NOS1: variants seen among roughly 807,000 people sequenced by gnomAD.
The protein encoded by NOS1 is NOS type I.
NOS1 carries 51 observed loss-of-function variants against 164.5 expected under a neutral mutation model. The observed-to-expected ratio is 0.31, with a 90% CI of 0.25 to 0.39. The LOEUF (loss-of-function observed/expected upper bound fraction) is 0.39, where lower values mean the gene tolerates loss of function less well. NOS1 is among the 10% of genes least tolerant of loss of function. NOS1 has a pLI of 1.00. For missense variants in NOS1, 1,362 were observed against 1,885.6 expected (o/e 0.72, Z 5.14); for synonymous variants, 719 against 745.8 (o/e 0.96, Z 0.59).
rs927768453 is a variant in NOS1 at position 117,210,613 on chromosome 12, C to T, written c.*4696G>A. The T allele has an allele frequency of 1.1e-5, 11 of 985,400 alleles. No individual in the cohort carries two copies. The highest frequency in any genetic ancestry group is 1.3e-5 in the Non-Finnish European group (11 of 830,000). The allele number at this position is 985,400 out of a possible 1,614,324, so 61.0% of individuals were successfully genotyped here. A position where few individuals can be genotyped will look rare whatever the true frequency, so the allele number is the denominator to read the frequency against. On this transcript the variant is annotated 3_prime_UTR_variant, in exon 29 of 29. Coordinates refer to ENST00000317775, the MANE Select transcript of NOS1 (RefSeq NM_000620.5). ...TGTCGGAGTGAAGGGGCTCAGGCATCTGGATTGCCCATCCTATTAGGACCA... is the reference window on the plus strand; with the variant it reads ...TGTCGGAGTGAAGGGGCTCAGGCATTTGGATTGCCCATCCTATTAGGACCA...
At chr12:117,323,627 T>C (rs778930789) in intron 2 of NOS1, among the ~76,000 whole-genome samples, 4 of 152,162 alleles carry the variant, frequency 2.6e-5, no homozygotes, top group African/African-American at 7.2e-5. Flanking sequence ...TAGTGCTCCA[T>C]AGAGATTGAC....
chr12:117,254,288 G>A (rs1871290317), intron 16 of NOS1, among the ~76,000 whole-genome samples: 1 of 152,112 alleles, frequency 6.6e-6, no homozygotes, highest in Non-Finnish European at 1.5e-5. Context: ...TGCATTTTTA[G>A]TAGAGACGGG....
Position 117,272,322 on chromosome 12 carries a change from A to C in NOS1, c.1839+63T>G. 1 of 1,573,140 alleles carries C rather than the reference A, an allele frequency of 6.4e-7. No individual in the cohort carries two copies. The highest frequency in any genetic ancestry group is 1.7e-5 in the Admixed American group (1 of 58,412). On this transcript the variant is annotated intron_variant, in intron 10 of 28. Transcript: ENST00000317775. This position sits in a 1 kb window ranked among gnomAD's most constrained non-coding sequence, Gnocchi z 4.3. ...CACCAAGCTCGCCGTGGGGAAGGGG[A>C]CTGCTGAGCTGGCACCCTCTGCTAT...
Position 117,330,623 on chromosome 12 carries a change from C to T in NOS1, c.447G>A (p.Val149=). The T allele has an allele frequency of 6.2e-7, 1 of 1,611,804 alleles. No homozygotes were observed. Among genetic ancestry groups the T allele is most frequent in the African/African-American group, 1.3e-5 (1 of 75,016 alleles). The stretch of plus-strand genomic sequence containing the variant: ...CATTCCCGGGACCCGAGGCCCCATC[C>T]ACTGCCAGGGGCTGTTCTTTGCCGG... ...PPAGKEQPLA[V]DGASGPGNGP... The change falls in exon 2 of 29, where the codon GTG becomes GTA. Residue 149 remains valine (V), a synonymous_variant. Transcript: ENST00000317775. The surrounding 1 kb of genome is among the most constrained non-coding windows in gnomAD (Gnocchi z 4.6).
Position 117,208,230 on chromosome 12 carries a change from T to C in NOS1, c.*7079A>G, listed in dbSNP as rs1272119699. On this transcript the variant is annotated 3_prime_UTR_variant, in exon 29 of 29. Coordinates refer to ENST00000317775, the MANE Select transcript of NOS1 (RefSeq NM_000620.5). ...CCATAAAATTGGAAGATGAGAACTATACAGAAGAAGAGCATGCGACAAACA... is the reference window on the plus strand; with the variant it reads ...CCATAAAATTGGAAGATGAGAACTACACAGAAGAAGAGCATGCGACAAACA... 3.2e-6 allele frequency: 4 copies of C among 1,237,508 alleles called. No homozygotes were observed. The highest frequency in any genetic ancestry group is 3.1e-5 in the African/African-American group (2 of 64,346). 76.7% of individuals were successfully genotyped at this position (1,237,508 alleles called of 1,614,324 possible). A position where few individuals can be genotyped will look rare whatever the true frequency, so the allele number is the denominator to read the frequency against.
At chr12:117,256,120 G>A (rs1871423546) in intron 16 of NOS1, 2 of 669,650 alleles carry the variant, frequency 3.0e-6, no homozygotes, top group Non-Finnish European at 2.4e-6. Context: ...CTAGGATGGG[G>A]TGGGAAGGAG....
intron 16 of NOS1, among the ~76,000 whole-genome samples, chr12:117,257,084 T>G (rs1871522258): frequency 6.6e-6 from 1 of 152,114 alleles, no homozygotes; most frequent in Admixed American, 6.5e-5. Context: ...AAAAAAATTT[T>G]TTTATTTTTA....
At chr12:117,359,212 G>C (rs1201379679) in intron 1 of NOS1, among the ~76,000 whole-genome samples, 1 of 151,886 alleles carries the variant, frequency 6.6e-6, no homozygotes, top group African/African-American at 2.4e-5. Flanking sequence ...CGCCGTGGCG[G>C]TGCTGGTGGG....
rs1265663158 is a variant in NOS1 at position 117,242,681 on chromosome 12, C to T, written c.2987G>A (p.Arg996Gln). 1.8e-5 allele frequency: 29 copies of T among 1,614,034 alleles called. No homozygotes were observed. The highest frequency in any genetic ancestry group is 1.6e-4 in the East Asian group (7 of 44,890). ...TQGLSNVHKK[R>Q]VSAARLLSRQ... The stretch of plus-strand genomic sequence containing the variant: ...GCTAAGGAGCCGGGCAGCTGAGACT[C>T]GCTTTTTGTGGACATTGGATAGACC... The change falls in exon 20 of 29, where the codon CGA becomes CAA. Residue 996 changes from arginine (R) to glutamine (Q), a missense_variant. Physicochemically the swap from Arg to Gln is conservative, Grantham distance 43 (BLOSUM62 1). Transcript: ENST00000317775.
chr12:117,288,338 C>A (rs2136022865), intron 4 of NOS1, 119 bp from the exon 5 acceptor site: 1 of 910,310 alleles, frequency 1.1e-6, no homozygotes, highest in East Asian at 2.4e-5. Context: ...TTCCCAGAGG[C>A]AGTTTCTCAA....
At chr12:117,250,901 G>A (rs1320126540) in intron 17 of NOS1, among the ~76,000 whole-genome samples, 9 of 152,228 alleles carry the variant, frequency 5.9e-5, no homozygotes, top group East Asian at 3.9e-4. Flanking sequence ...TTCAATTACC[G>A]CTGACACTGT....
At chr12:117,336,263 C>T (rs550802731) in intron 1 of NOS1, among the ~76,000 whole-genome samples, 1 of 152,178 alleles carries the variant, frequency 6.6e-6, no homozygotes, top group African/African-American at 2.4e-5. Flanking sequence ...CTGGTTTACC[C>T]GTGCTTTCCA....
At chr12:117,304,381 G>A (rs1874024340) in intron 3 of NOS1, among the ~76,000 whole-genome samples, 1 of 152,158 alleles carries the variant, frequency 6.6e-6, no homozygotes, top group Non-Finnish European at 1.5e-5. Context: ...ACTTCTTGGG[G>A]TAAACCTTCC....
chr12:117,290,218 C>A, intron 4 of NOS1, 80 bp downstream of exon 4: 3 of 1,550,242 alleles, frequency 1.9e-6, no homozygotes, highest in African/African-American at 2.7e-5. Context: ...ACAGCCCCCA[C>A]AACAAAGACT....
chr12:117,211,120 C>A lies in NOS1; in HGVS notation c.*4189G>T, dbSNP rs1220098019. On this transcript the variant is annotated 3_prime_UTR_variant, in exon 29 of 29. Transcript: ENST00000317775. ...TACAGGCGCATGCCACCATGCCCAG[C>A]TAATTTTTGTATTTTCTTAGTAGAG... 2.3e-5 allele frequency: 14 copies of A among 603,022 alleles called. No individual in the cohort carries two copies. Among genetic ancestry groups the A allele is most frequent in the Non-Finnish European group, 2.9e-5 (14 of 481,060 alleles). The allele number at this position is 603,022 out of a possible 1,614,324, so 37.4% of individuals were successfully genotyped here.
At position 117,359,876 on chromosome 12, in the gene NOS1, T is replaced by TTATATATATATATA. The variant is rs56787288; in HGVS notation, c.-421+1622_-421+1635dup. ...GTCCCAGAGCATTACAATAATGGTT[T>TTATATATATATATA]TATATATATATATATATATATATAT... On this transcript the variant is annotated intron_variant, in intron 1 of 28. Transcript: ENST00000317775. 2.2e-4 allele frequency among the ~76,000 whole-genome samples: 8 copies of TTATATATATATATA among 36,958 alleles called. 2 individuals carry two copies. The highest frequency in any genetic ancestry group is 2.8e-4 in the Non-Finnish European group (5 of 17,916). The allele number at this position is 36,958 out of a possible 152,430, so 24.2% of individuals were successfully genotyped here. A position where few individuals can be genotyped will look rare whatever the true frequency, so the allele number is the denominator to read the frequency against.
intron 1 of NOS1, among the ~76,000 whole-genome samples, chr12:117,338,777 A>G (rs1875958590): frequency 6.6e-6 from 1 of 152,188 alleles, no homozygotes; most frequent in South Asian, 2.1e-4. Context: ...TTCTGGAGGA[A>G]ACGGATATCA....
At chr12:117,341,209 G>A (rs1489044147) in intron 1 of NOS1, among the ~76,000 whole-genome samples, 3 of 152,130 alleles carry the variant, frequency 2.0e-5, no homozygotes, top group Non-Finnish European at 4.4e-5. Flanking sequence ...CAGGTAAAAG[G>A]TACGGACACG....
intron 3 of NOS1, chr12:117,302,111 G>C (rs1274053118): frequency 6.6e-6 from 3 of 456,568 alleles, no homozygotes; most frequent in Non-Finnish European, 4.4e-6. Flanking sequence ...ATTGGGTTGA[G>C]CTGGGGGTTC....
Sources: gnomAD v4.1 joint callset for allele counts (sites outside exome capture counted in the v4.1 genomes callset) on GRCh38, gnomAD v4.1.1 for gene constraint, Gnocchi (gnomAD v3.1) non-coding constraint, MANE v1.5 for transcripts, NCBI Gene and HGNC (gene_info 2026-07-23, HGNC 2026-07-21) for gene names.